FOXN2: variants seen among roughly 807,000 people sequenced by gnomAD.
FOXN2 encodes the protein forkhead box N2, also known as forkhead box protein N2.
A neutral mutation model predicts 41.2 loss-of-function variants in FOXN2; 19 were observed. The observed-to-expected ratio is 0.46, with a 90% CI of 0.32 to 0.68. The LOEUF is 0.68. Among genes scored for constraint, FOXN2 ranks in the 30% least tolerant of loss-of-function variants. FOXN2 has a pLI of 0.03. For synonymous variants in FOXN2, 195 were observed against 176.8 expected, an observed-to-expected ratio of 1.10 and a Z score of -0.82; for missense variants, 587 against 509.4, an observed-to-expected ratio of 1.15 and a Z score of -1.47.
intron 1 of FOXN2, among the ~76,000 whole-genome samples, chr2:48,320,792 A>T (rs551370418): frequency 2.0e-5 from 3 of 152,300 alleles, no homozygotes; most frequent in South Asian, 4.1e-4. Context: ...GTTCCTAAGG[A>T]GTAGGGAAGA....
At chr2:48,359,988 A>G (rs1672068726) in intron 4 of FOXN2, among the ~76,000 whole-genome samples, 3 of 152,010 alleles carry the variant, frequency 2.0e-5, no homozygotes, top group Non-Finnish European at 4.4e-5. Flanking sequence ...AGTATGTTCA[A>G]GTCTAAAATT....
intron 5 of FOXN2, among the ~76,000 whole-genome samples, chr2:48,364,179 T>C (rs1417773562): frequency 1.3e-5 from 2 of 152,192 alleles, no homozygotes; most frequent in African/African-American, 4.8e-5. Flanking sequence ...AAACATTTAT[T>C]AAAGAGAAAG....
Position 48,330,856 on chromosome 2 carries a change from T to G in FOXN2, c.-15+2154T>G, listed in dbSNP as rs144509545. On this transcript the variant is annotated intron_variant, in intron 2 of 6. Transcript: ENST00000340553. ...GATTTTAAGTAGGAAGCTGGAGTAG[T>G]AGGGTCAAAATGGTGAGAAACAATT... Among the ~76,000 whole-genome samples, 456 of 152,304 alleles carry G rather than the reference T, an allele frequency of 3.0e-3. 5 individuals carry two copies. The highest frequency in any genetic ancestry group is 0.01 in the African/African-American group (434 of 41,580).
At chr2:48,354,640 T>C (rs1184931665) in intron 3 of FOXN2, among the ~76,000 whole-genome samples, 1 of 152,250 alleles carries the variant, frequency 6.6e-6, no homozygotes, top group African/African-American at 2.4e-5. Context: ...GTTTAACAAC[T>C]GGCTAGGGAC....
chr2:48,359,724 A>G (rs754092009), intron 4 of FOXN2, among the ~76,000 whole-genome samples: 1 of 152,078 alleles, frequency 6.6e-6, no homozygotes, highest in Non-Finnish European at 1.5e-5. Context: ...ACTTGAGAAC[A>G]TACACTCTGG....
intron 2 of FOXN2, among the ~76,000 whole-genome samples, chr2:48,331,270 A>T (rs925114552): frequency 6.6e-6 from 1 of 152,234 alleles, no homozygotes; most frequent in Non-Finnish European, 1.5e-5. Context: ...CTTAGACAAT[A>T]TAATGGATGA....
intron 2 of FOXN2, among the ~76,000 whole-genome samples, chr2:48,332,389 T>A (rs1416968530): frequency 1.3e-5 from 2 of 152,206 alleles, no homozygotes; most frequent in African/African-American, 4.8e-5. Flanking sequence ...AAGGGTTCTA[T>A]CATGTTGCAT....
chr2:48,357,504 C>CTT (rs113343294), intron 3 of FOXN2, among the ~76,000 whole-genome samples: 9 of 144,282 alleles, frequency 6.2e-5, no homozygotes, highest in Non-Finnish European at 1.1e-4. Context: ...TTAATTCTTC[C>CTT]TTTTTTTTTT....
Position 48,373,370 on chromosome 2 carries a change from C to A in FOXN2, c.772+10C>A. 8 of 1,537,154 alleles carry A rather than the reference C, an allele frequency of 5.2e-6. No individual in the cohort carries two copies. Among genetic ancestry groups the A allele is most frequent in the East Asian group, 2.3e-5 (1 of 42,920 alleles). ...CAAGGAATTTTAGAATGTAAGTAAT[C>A]ATGCCTTTTTTAAAAAAAAATTTTA... On this transcript the variant is annotated intron_variant, in intron 6 of 6. Coordinates refer to ENST00000340553, the MANE Select transcript of FOXN2 (RefSeq NM_002158.4).
chr2:48,319,149 A>G (rs1317008977), intron 1 of FOXN2, among the ~76,000 whole-genome samples: 4 of 146,010 alleles, frequency 2.7e-5, no homozygotes, highest in Non-Finnish European at 6.0e-5. Context: ...TGCCACTCAA[A>G]AGCCTTTTTT....
At chr2:48,322,341 A>G (rs1476020002) in intron 1 of FOXN2, among the ~76,000 whole-genome samples, 1 of 152,204 alleles carries the variant, frequency 6.6e-6, no homozygotes, top group Non-Finnish European at 1.5e-5. Context: ...ACCACACAAA[A>G]CAAATGTGTA....
chr2:48,324,296 G>A (rs1669525164), intron 1 of FOXN2, among the ~76,000 whole-genome samples: 1 of 149,822 alleles, frequency 6.7e-6, no homozygotes, highest in South Asian at 2.1e-4. Context: ...CTGGGTTCAA[G>A]TGAGTCTCCT....
intron 2 of FOXN2, among the ~76,000 whole-genome samples, chr2:48,336,845 A>G (rs1017677579): frequency 2.0e-5 from 3 of 152,062 alleles, no homozygotes; most frequent in African/African-American, 7.2e-5. Flanking sequence ...TAGTAGGTGT[A>G]TATATTTATG....
intron 5 of FOXN2, among the ~76,000 whole-genome samples, chr2:48,367,412 A>T (rs564132081): frequency 2.1e-4 from 32 of 152,318 alleles, no homozygotes; most frequent in African/African-American, 7.2e-4. Flanking sequence ...AAGGTAGTTG[A>T]TGGTGATGTT....
chr2:48,332,362 A>G (rs1253119352), intron 2 of FOXN2, among the ~76,000 whole-genome samples: 3 of 152,224 alleles, frequency 2.0e-5, no homozygotes, highest in Admixed American at 6.5e-5. Context: ...TTTGGATTAA[A>G]CTACAAGGAT....
chr2:48,330,330 A>C (rs1208881784), intron 2 of FOXN2, among the ~76,000 whole-genome samples: 1 of 152,164 alleles, frequency 6.6e-6, no homozygotes, highest in Non-Finnish European at 1.5e-5. Flanking sequence ...TTTATTATGT[A>C]TTAAATCTTA....
chr2:48,363,445 A>G (rs1235864915), intron 5 of FOXN2, among the ~76,000 whole-genome samples: 1 of 152,216 alleles, frequency 6.6e-6, no homozygotes, highest in Admixed American at 6.5e-5. Flanking sequence ...GAAAGAAAAA[A>G]TTAAAAAATC....
intron 5 of FOXN2, among the ~76,000 whole-genome samples, chr2:48,368,394 G>A (rs567216673): frequency 1.3e-5 from 2 of 152,136 alleles, no homozygotes; most frequent in Non-Finnish European, 2.9e-5. Flanking sequence ...AGCAAAATTG[G>A]CTGAACGCGG....
chr2:48,342,272 A>C (rs1670825989), intron 2 of FOXN2, among the ~76,000 whole-genome samples: 1 of 152,012 alleles, frequency 6.6e-6, no homozygotes, highest in African/African-American at 2.4e-5. Context: ...TATTAGATTG[A>C]ATAGTTGGGC....
Sources: gnomAD v4.1 joint callset for allele counts (sites outside exome capture counted in the v4.1 genomes callset) on GRCh38, gnomAD v4.1.1 for gene constraint, MANE v1.5 for transcripts, NCBI Gene and HGNC (gene_info 2026-07-23, HGNC 2026-07-21) for gene names.